The following DLGAP1 variants were observed in gnomAD, a reference collection of about 807,000 sequenced individuals.
The protein encoded by DLGAP1 is DLG associated protein 1.
In DLGAP1, 11 loss-of-function variants were observed where a neutral mutation model predicts 90.8. The ratio of observed to expected loss-of-function variants is 0.12; its 90% CI spans 0.08 to 0.20. The LOEUF is 0.20. Among genes scored for constraint, DLGAP1 ranks in the 10% least tolerant of loss-of-function variants. The pLI is 1.00. For missense variants in DLGAP1, 1,050 were observed against 1,333.8 expected (o/e 0.79, Z 3.31); for synonymous variants, 558 against 540.7 (o/e 1.03, Z -0.44).
At chr18:3,874,822 CT>C in intron 4 of DLGAP1, 4 of 1,363,732 alleles carry the variant, frequency 2.9e-6, no homozygotes, top group Non-Finnish European at 2.8e-6. Context: ...AAAGGAGTCC[CT>C]TTTTTTATTA....
intron 1 of DLGAP1, among the ~76,000 whole-genome samples, chr18:4,173,791 A>G (rs956651211): frequency 1.3e-5 from 2 of 152,200 alleles, no homozygotes; most frequent in Non-Finnish European, 2.9e-5. Context: ...AGCTCAATAT[A>G]TGTAATGGCT....
chr18:4,398,977 G>A (rs1227409809), intron 1 of DLGAP1, among the ~76,000 whole-genome samples: 1 of 152,064 alleles, frequency 6.6e-6, no homozygotes, highest in African/African-American at 2.4e-5. Context: ...GACTACAAGC[G>A]CGCACCACTA....
In DLGAP1 at chr18:4,150,680, C is replaced by T. The variant is rs1358920911; in HGVS notation, c.-159+500G>A. Reference sequence around the variant, plus strand: ...AACTCCTGACCTCAGGTGATCTGCCCACCTCGGTCTCCCAAAGTGCTGGAA... The same window carrying T: ...AACTCCTGACCTCAGGTGATCTGCCTACCTCGGTCTCCCAAAGTGCTGGAA... On this transcript the variant is annotated intron_variant, in intron 2 of 12. Coordinates refer to ENST00000315677, the MANE Select transcript of DLGAP1 (RefSeq NM_004746.4). Among the ~76,000 whole-genome samples, 4 of 152,336 alleles carry T rather than the reference C, an allele frequency of 2.6e-5. No homozygotes were observed. The East Asian group carries it at 7.7e-4, about 29-fold the overall frequency.
chr18:3,650,889 AAAC>A (rs1413065003), intron 7 of DLGAP1, among the ~76,000 whole-genome samples: 24 of 151,262 alleles, frequency 1.6e-4, no homozygotes, highest in African/African-American at 5.4e-4. Context: ...CAACATGGTG[AAAC>A]CCTGTCTCTA....
intron 1 of DLGAP1, among the ~76,000 whole-genome samples, chr18:4,306,514 G>A (rs1327463179): frequency 6.6e-6 from 1 of 151,454 alleles, no homozygotes; most frequent in Admixed American, 6.6e-5. Flanking sequence ...GGAGGGAAAG[G>A]GGAAGGAGTG....
chr18:3,902,688 G>T (rs2071810086), intron 3 of DLGAP1, among the ~76,000 whole-genome samples: 1 of 152,094 alleles, frequency 6.6e-6, no homozygotes, highest in African/African-American at 2.4e-5. Context: ...TTTTAGTTTA[G>T]CTTTAAAGAC....
chr18:4,247,812 G>A (rs1447291172), intron 1 of DLGAP1, among the ~76,000 whole-genome samples: 1 of 152,006 alleles, frequency 6.6e-6, no homozygotes, highest in East Asian at 1.9e-4. Flanking sequence ...TTCACAGCAA[G>A]GTTTGGGATG....
chr18:3,795,741 C>T (rs1040762268), intron 5 of DLGAP1, among the ~76,000 whole-genome samples: 23 of 152,198 alleles, frequency 1.5e-4, no homozygotes, highest in African/African-American at 5.6e-4. Flanking sequence ...ACCTCAGCCT[C>T]CCAGGTAGCT....
chr18:4,387,605 T>C (rs2144384060), intron 1 of DLGAP1, among the ~76,000 whole-genome samples: 1 of 152,292 alleles, frequency 6.6e-6, no homozygotes, highest in South Asian at 2.1e-4. Flanking sequence ...ACAACTAAGC[T>C]GTCTAGAATA....
intron 2 of DLGAP1, among the ~76,000 whole-genome samples, chr18:4,073,180 C>CT (rs1265793449): frequency 6.6e-6 from 1 of 152,196 alleles, no homozygotes; most frequent in African/African-American, 2.4e-5. Context: ...AGCCTGCTTA[C>CT]TAGGCTTCCT....
intron 1 of DLGAP1, among the ~76,000 whole-genome samples, chr18:4,324,367 G>A (rs1188808471): frequency 1.3e-5 from 2 of 150,950 alleles, no homozygotes; most frequent in African/African-American, 4.9e-5. Flanking sequence ...AATTGAATCA[G>A]TCATAAAAAG....
At chr18:4,206,007 CAGA>C (rs1422509004) in intron 1 of DLGAP1, among the ~76,000 whole-genome samples, 1 of 152,088 alleles carries the variant, frequency 6.6e-6, no homozygotes, top group African/African-American at 2.4e-5. Context: ...TTGCCTATTT[CAGA>C]AGATTTCCAG....
At chr18:3,549,501 T>G (rs1194496152) in intron 9 of DLGAP1, among the ~76,000 whole-genome samples, 1 of 152,042 alleles carries the variant, frequency 6.6e-6, no homozygotes, top group Non-Finnish European at 1.5e-5. Flanking sequence ...CCCAGCTAAT[T>G]TTTGTATTTT....
chr18:4,044,867 G>A (rs1279735454), intron 2 of DLGAP1, among the ~76,000 whole-genome samples: 1 of 152,082 alleles, frequency 6.6e-6, no homozygotes, highest in Non-Finnish European at 1.5e-5. Context: ...TGTTGAAGGT[G>A]CGGCCTGGTG....
chr18:3,755,696 A>G (rs1027913963), intron 5 of DLGAP1, among the ~76,000 whole-genome samples: 1 of 152,232 alleles, frequency 6.6e-6, no homozygotes, highest in African/African-American at 2.4e-5. Context: ...AATTGAAGGT[A>G]TAAATGAATA....
intron 2 of DLGAP1, among the ~76,000 whole-genome samples, chr18:4,009,383 C>T (rs1301915346): frequency 6.6e-6 from 1 of 152,260 alleles, no homozygotes; most frequent in Admixed American, 6.5e-5. Flanking sequence ...TACTGTATTG[C>T]AGCCGATACT....
intron 1 of DLGAP1, among the ~76,000 whole-genome samples, chr18:4,274,470 T>C (rs902181555): frequency 9.2e-5 from 14 of 152,144 alleles, no homozygotes; most frequent in Non-Finnish European, 1.6e-4. Context: ...CCCTCTCACT[T>C]TGGACAGTCG....
intron 3 of DLGAP1, among the ~76,000 whole-genome samples, chr18:3,990,660 T>TAATAAA (rs1316277565): frequency 6.8e-6 from 1 of 146,770 alleles, no homozygotes; most frequent in Non-Finnish European, 1.5e-5. Context: ...ATAATAATAA[T>TAATAAA]AATAAAAAGA....
chr18:3,834,969 A>T (rs1256056023), intron 4 of DLGAP1, among the ~76,000 whole-genome samples: 1 of 152,234 alleles, frequency 6.6e-6, no homozygotes, highest in Non-Finnish European at 1.5e-5. Flanking sequence ...AACTTGGACC[A>T]CAGAATCAGA....
Sources: gnomAD v4.1 joint callset for allele counts (sites outside exome capture counted in the v4.1 genomes callset) on GRCh38, gnomAD v4.1.1 for gene constraint, MANE v1.5 for transcripts, NCBI Gene and HGNC (gene_info 2026-07-23, HGNC 2026-07-21) for gene names.